OR11A1: variants seen among roughly 807,000 people sequenced by gnomAD.
OR11A1 encodes the protein olfactory receptor 11A1.
For missense variants in OR11A1, 380 were observed against 378.2 expected (o/e 1.00, Z -0.04); for synonymous variants, 158 against 152.2 (o/e 1.04, Z -0.28).
At chr6:29,450,131 C>A (rs1785206254) in intron 1 of OR11A1, 1 of 152,136 alleles carries the variant, frequency 6.6e-6, no homozygotes, top group Non-Finnish European at 1.5e-5. Context: ...TGTAGAAAGA[C>A]CCTAGAAGAG....
In OR11A1 at chr6:29,443,370, A is replaced by G. The variant is rs141712729; in HGVS notation, c.-388-11383T>C. ...TTCAGAGTTTTATATAAATGAAATT[A>G]TAAAATATGTACTCTTTTTAGTCTG... On this transcript the variant is annotated intron_variant, in intron 1 of 4. Transcript: ENST00000377149. Among the ~76,000 whole-genome samples, 487 of 152,268 alleles carry G rather than the reference A, an allele frequency of 3.2e-3. 1 individual carries two copies. The highest frequency in any genetic ancestry group is 9.1e-3 in the African/African-American group (377 of 41,528).
intron 1 of OR11A1, among the ~76,000 whole-genome samples, chr6:29,437,648 G>C (rs560348142): frequency 6.6e-6 from 1 of 151,928 alleles, no homozygotes; most frequent in South Asian, 2.1e-4. Flanking sequence ...TTAAGAGTTT[G>C]TGTCAGTTGT....
chr6:29,452,431 A>G (rs1785522424), intron 1 of OR11A1, among the ~76,000 whole-genome samples: 1 of 152,308 alleles, frequency 6.6e-6, no homozygotes, highest in Middle Eastern at 3.4e-3. Flanking sequence ...AAAAATAGCA[A>G]TCCACATTAT....
rs570564555 is a variant in OR11A1 at position 29,443,217 on chromosome 6, C to G, written c.-388-11230G>C. On this transcript the variant is annotated intron_variant, in intron 1 of 4. Coordinates refer to ENST00000377149, the MANE Select transcript of OR11A1 (RefSeq NM_001394828.1). ...TGCACCATGACATTATAGGCGCAATCACGAAATGAACATATCCAGCCCCCG... is the reference window on the plus strand; with the variant it reads ...TGCACCATGACATTATAGGCGCAATGACGAAATGAACATATCCAGCCCCCG... 9.6e-4 allele frequency among the ~76,000 whole-genome samples: 146 copies of G among 152,272 alleles called. 1 individual carries two copies. Among genetic ancestry groups the G allele is most frequent in the South Asian group, 8.9e-3 (43 of 4,828 alleles).
In OR11A1 at chr6:29,451,717, A is replaced by G. The variant is rs1293612796; in HGVS notation, c.-389+5270T>C. 3.3e-5 allele frequency among the ~76,000 whole-genome samples: 5 copies of G among 152,350 alleles called. No homozygotes were observed. In the East Asian group the frequency reaches 9.6e-4, roughly 29 times the overall value. ...GTGGAGAAAAAAGGAATGCTTACAC[A>G]CTGCTGCTGAGAATGTATGTTAGCT... On this transcript the variant is annotated intron_variant, in intron 1 of 4. Coordinates refer to ENST00000377149, the MANE Select transcript of OR11A1 (RefSeq NM_001394828.1).
intron 1 of OR11A1, among the ~76,000 whole-genome samples, chr6:29,446,501 C>T (rs973012982): frequency 1.3e-5 from 2 of 152,228 alleles, no homozygotes; most frequent in South Asian, 2.1e-4. Flanking sequence ...CAAGCCACAA[C>T]CTTCTTAACC....
At chr6:29,456,797 T>C (rs749577663) in intron 1 of OR11A1, among the ~76,000 whole-genome samples, 190 bp downstream of exon 1, 2 of 152,228 alleles carry the variant, frequency 1.3e-5, no homozygotes, top group Non-Finnish European at 2.9e-5. Flanking sequence ...ACAGTTTCTA[T>C]GGGCCAGCAA....
chr6:29,452,676 T>C (rs1306596217), intron 1 of OR11A1, among the ~76,000 whole-genome samples: 1 of 152,102 alleles, frequency 6.6e-6, no homozygotes, highest in Non-Finnish European at 1.5e-5. Flanking sequence ...ATAATCTTTC[T>C]TAAATGAAGG....
At chr6:29,455,028 A>G (rs1161769445) in intron 1 of OR11A1, among the ~76,000 whole-genome samples, 1 of 152,212 alleles carries the variant, frequency 6.6e-6, no homozygotes, top group Non-Finnish European at 1.5e-5. Context: ...AACATGGGTC[A>G]TATAAATAAA....
intron 3 of OR11A1, among the ~76,000 whole-genome samples, chr6:29,429,674 A>G (rs1216530845): frequency 6.6e-6 from 1 of 152,220 alleles, no homozygotes; most frequent in East Asian, 1.9e-4. Flanking sequence ...CACTGAGGCA[A>G]GAAACAACAT....
At position 29,427,451 on chromosome 6, in the gene OR11A1, A is replaced by G; in HGVS notation, c.191T>C (p.Phe64Ser). The G allele has an allele frequency of 6.2e-7, 1 of 1,613,124 alleles. No homozygotes were observed. Among genetic ancestry groups the G allele is most frequent in the South Asian group, 1.1e-5 (1 of 91,078 alleles). ...ATCCAGGAAGGACAGATTCGCCAAG[A>G]AAATATACATGGGTTTGTGGAGCCT... ...SQRLHKPMYI[F>S]LANLSFLDIL... The change falls in exon 5 of 5, where the codon TTC (phenylalanine) becomes TCC (serine). Residue 64 changes from phenylalanine to serine, a missense_variant. Physicochemically the swap from Phe to Ser is radical, Grantham distance 155. Transcript: ENST00000377149.
chr6:29,433,369 T>C (rs912430661), intron 1 of OR11A1, among the ~76,000 whole-genome samples: 3 of 152,188 alleles, frequency 2.0e-5, no homozygotes, highest in African/African-American at 7.2e-5. Flanking sequence ...TAACCACCAT[T>C]CTATTCTCTG....
intron 1 of OR11A1, chr6:29,440,810 C>G: frequency 6.2e-7 from 1 of 1,614,024 alleles, no homozygotes; most frequent in Non-Finnish European, 8.5e-7. Flanking sequence ...AGGCCAGCTA[C>G]GATCCGGCCA....
At chr6:29,450,537 G>C (rs1343979166) in intron 1 of OR11A1, 1 of 152,096 alleles carries the variant, frequency 6.6e-6, no homozygotes, top group Admixed American at 6.6e-5. Context: ...ACTCCATCTG[G>C]CATGGCACAG....
intron 4 of OR11A1, chr6:29,428,483 T>C (rs1378091840): frequency 1.3e-5 from 11 of 820,052 alleles, no homozygotes; most frequent in Non-Finnish European, 1.6e-5. Flanking sequence ...AGGCCGGGCT[T>C]GGTGGCTCAC....
chr6:29,426,996 G>C lies in OR11A1; in HGVS notation c.646C>G (p.Leu216Val). 6.2e-7 allele frequency: 1 copy of C among 1,612,922 alleles called. No homozygotes were observed. The highest frequency in any genetic ancestry group is 8.5e-7 in the Non-Finnish European group (1 of 1,180,036). Residue 216 changes from leucine (L) to valine (V), a missense_variant, in exon 5 of 5, where the codon CTG becomes GTG. By Grantham distance (32) the Leu-to-Val change is conservative. Coordinates refer to ENST00000377149, the MANE Select transcript of OR11A1 (RefSeq NM_001394828.1). ...ACCACAATTCTGGCATAAGATGTCA[G>C]AATCAGTCCAAAAGGAATAGTGAGG... ...FCLTIPFGLI[L>V]TSYARIVVAV...
intron 1 of OR11A1, among the ~76,000 whole-genome samples, chr6:29,449,837 A>G (rs1785164202): frequency 6.6e-6 from 1 of 152,064 alleles, no homozygotes; most frequent in East Asian, 1.9e-4. Flanking sequence ...GGGTTTTTCC[A>G]TGTTGGCCAG....
chr6:29,429,000 C>T (rs73403375), intron 3 of OR11A1, 40 bp from the exon 4 acceptor site: 10,563 of 744,026 alleles, frequency 0.014, 409 homozygotes, highest in African/African-American at 0.12. Flanking sequence ...TGATTAGAAA[C>T]AGTTGAGAAA....
At chr6:29,428,701 A>G (rs1216519786) in intron 4 of OR11A1, among the ~76,000 whole-genome samples, 1 of 144,400 alleles carries the variant, frequency 6.9e-6, no homozygotes, top group Non-Finnish European at 1.5e-5. Flanking sequence ...AGCTTGCAGT[A>G]AGCCGATATC....
Sources: allele counts gnomAD v4.1 joint callset (sites outside exome capture counted in the v4.1 genomes callset), GRCh38; gene constraint gnomAD v4.1.1; transcripts MANE v1.5; gene names NCBI Gene and HGNC (gene_info 2026-07-23, HGNC 2026-07-21).